Variants in COL25A1 observed in about 807,000 individuals in gnomAD.
The protein encoded by COL25A1 is collagen alpha-1(XXV) chain.
In COL25A1, 103 loss-of-function variants were observed where a neutral mutation model predicts 128.4. The observed-to-expected ratio is 0.80, with a 90% CI of 0.68 to 0.94. COL25A1 has a LOEUF of 0.94. Ranked by LOEUF, COL25A1 falls within the 40% of genes least tolerant of loss-of-function variation. The probability of loss-of-function intolerance (pLI) is 0.00; values close to 1 mark genes in which losing one functional copy is unlikely to be tolerated. For synonymous variants in COL25A1, 279 were observed against 277.2 expected, an observed-to-expected ratio of 1.01 and a Z score of -0.06; for missense variants, 745 against 840.0, an observed-to-expected ratio of 0.89 and a Z score of 1.40.
chr4:109,256,037 A>G (rs1320513194), intron 3 of COL25A1, among the ~76,000 whole-genome samples: 1 of 151,780 alleles, frequency 6.6e-6, no homozygotes, highest in Non-Finnish European at 1.5e-5. Flanking sequence ...CCTTTCCTAA[A>G]GTAGCCACAT....
intron 3 of COL25A1, among the ~76,000 whole-genome samples, chr4:109,277,257 C>T (rs1722935519): frequency 6.6e-6 from 1 of 152,172 alleles, no homozygotes; most frequent in African/African-American, 2.4e-5. Flanking sequence ...AATTTAGGAA[C>T]TCTGTTTCCT....
chr4:108,828,354 C>T (rs978787119), intron 32 of COL25A1, among the ~76,000 whole-genome samples: 23 of 151,956 alleles, frequency 1.5e-4, no homozygotes, highest in African/African-American at 5.3e-4. Flanking sequence ...GGGCTGGTCT[C>T]GAAGTCCTGA....
intron 3 of COL25A1, among the ~76,000 whole-genome samples, chr4:109,193,671 A>T (rs1400404842): frequency 6.6e-6 from 1 of 152,174 alleles, no homozygotes; most frequent in Non-Finnish European, 1.5e-5. Flanking sequence ...AACTTCGGTC[A>T]GAGACCCCTA....
intron 8 of COL25A1, among the ~76,000 whole-genome samples, chr4:108,973,967 A>C (rs1046208319): frequency 1.1e-4 from 17 of 152,266 alleles, no homozygotes; most frequent in Admixed American, 1.3e-4. Context: ...CTGTAAAAAA[A>C]CATTTATGCA....
At chr4:109,126,838 C>T (rs1768665101) in intron 3 of COL25A1, among the ~76,000 whole-genome samples, 1 of 151,712 alleles carries the variant, frequency 6.6e-6, no homozygotes. Context: ...AGCACACCAG[C>T]ATGGCACATG....
chr4:108,920,509 C>A, intron 12 of COL25A1, 69 bp downstream of exon 12: 1 of 1,217,274 alleles, frequency 8.2e-7, no homozygotes. Flanking sequence ...TAATTTCATT[C>A]ACCTCTCCTG....
chr4:109,239,659 C>G (rs1336972072), intron 3 of COL25A1, among the ~76,000 whole-genome samples: 1 of 151,196 alleles, frequency 6.6e-6, no homozygotes, highest in African/African-American at 2.4e-5. Context: ...AATGGGAAGG[C>G]CTAGGACATT....
At position 108,839,831 on chromosome 4, in the gene COL25A1, C is replaced by A. The variant is rs114964686; in HGVS notation, c.1656+1864G>T. Among the ~76,000 whole-genome samples the A allele has an allele frequency of 9.1e-3, 1,380 of 152,194 alleles. 28 individuals are homozygous for A. Among genetic ancestry groups the A allele is most frequent in the African/African-American group, 0.031 (1,301 of 41,530 alleles). On this transcript the variant is annotated intron_variant, in intron 31 of 37. Transcript: ENST00000399132. ...GTTGCATTTTAGAAATCAAAAGCAT[C>A]TTGGGCATCTCCTAATCCAATGGTG...
Position 108,825,078 on chromosome 4 carries a change from A to T in COL25A1, c.1791+118T>A, listed in dbSNP as rs915237014. The T allele has an allele frequency of 8.2e-6, 6 of 731,124 alleles. No homozygotes were observed. In the African/African-American group the frequency reaches 8.9e-5, roughly 11 times the overall value. 45.3% of individuals were successfully genotyped at this position (731,124 alleles called of 1,614,324 possible). A position where few individuals can be genotyped will look rare whatever the true frequency, so the allele number is the denominator to read the frequency against. ...TATTGCTGTTTACATGCACAGCAAT[A>T]TATGTTCTATGCATACCTATATGCA... On this transcript the variant is annotated intron_variant, in intron 34 of 37. Transcript: ENST00000399132.
At chr4:108,920,475 T>C (rs1222583710) in intron 12 of COL25A1, 103 bp downstream of exon 12, 1 of 745,792 alleles carries the variant, frequency 1.3e-6, no homozygotes, top group Non-Finnish European at 2.1e-6. Context: ...CCAGACTAAC[T>C]GCTTCAGCAT....
intron 3 of COL25A1, among the ~76,000 whole-genome samples, chr4:109,291,959 T>G (rs574794811): frequency 1.5e-3 from 234 of 152,248 alleles, no homozygotes; most frequent in African/African-American, 5.1e-3. Flanking sequence ...ACTTTTAGAC[T>G]TTAATTTGAA....
At chr4:108,926,494 T>C (rs892302942) in intron 11 of COL25A1, among the ~76,000 whole-genome samples, 1 of 152,136 alleles carries the variant, frequency 6.6e-6, no homozygotes, top group Non-Finnish European at 1.5e-5. Flanking sequence ...TTAGGCAAAA[T>C]GAAGAAAATA....
chr4:109,256,159 G>A (rs1781075096), intron 3 of COL25A1, among the ~76,000 whole-genome samples: 1 of 140,656 alleles, frequency 7.1e-6, no homozygotes, highest in South Asian at 2.1e-4. Flanking sequence ...GAGCAAAAGA[G>A]TTTACCATAT....
chr4:109,012,157 C>T (rs1756655199), intron 5 of COL25A1, among the ~76,000 whole-genome samples: 1 of 152,212 alleles, frequency 6.6e-6, no homozygotes, highest in Non-Finnish European at 1.5e-5. Context: ...GGACTACAGG[C>T]ACATGCCACT....
intron 3 of COL25A1, among the ~76,000 whole-genome samples, chr4:109,275,885 A>C (rs930294153): frequency 4.6e-5 from 7 of 152,184 alleles, no homozygotes; most frequent in Non-Finnish European, 1.0e-4. Flanking sequence ...CAGCATTTTC[A>C]GAGAAAGTCA....
chr4:108,849,382 A>C (rs1336133794), intron 26 of COL25A1, among the ~76,000 whole-genome samples: 2 of 152,216 alleles, frequency 1.3e-5, no homozygotes, highest in Non-Finnish European at 1.5e-5. Flanking sequence ...CATATGAAAT[A>C]ACTTTTAGAT....
intron 5 of COL25A1, among the ~76,000 whole-genome samples, chr4:109,024,564 C>T (rs3096506): frequency 0.51 from 77,473 of 151,758 alleles, 22,541 homozygotes; most frequent in African/African-American, 0.78. Flanking sequence ...TGGTTCCCTA[C>T]GGATGATAGG....
chr4:108,819,722 C>T (rs1731593392), intron 35 of COL25A1: 1 of 567,932 alleles, frequency 1.8e-6, no homozygotes, highest in South Asian at 8.5e-5. Context: ...CAATCAGAAA[C>T]CCTCCTGTTA....
At chr4:109,285,194 AT>A (rs1255196907) in intron 3 of COL25A1, among the ~76,000 whole-genome samples, 2 of 152,188 alleles carry the variant, frequency 1.3e-5, no homozygotes, top group Non-Finnish European at 2.9e-5. Flanking sequence ...ATAATAGGTC[AT>A]TTTAAATACT....
Sources: allele counts gnomAD v4.1 joint callset (sites outside exome capture counted in the v4.1 genomes callset), GRCh38; gene constraint gnomAD v4.1.1; transcripts MANE v1.5; gene names NCBI Gene and HGNC (gene_info 2026-07-23, HGNC 2026-07-21).